SBNO2: variants seen among roughly 807,000 people sequenced by gnomAD.
The protein encoded by SBNO2 is protein strawberry notch homolog 2.
A neutral mutation model predicts 146.3 loss-of-function variants in SBNO2; 89 were observed. The observed-to-expected ratio is 0.61, with a 90% CI of 0.51 to 0.73. SBNO2 has a LOEUF of 0.73. SBNO2 is among the 30% of genes least tolerant of loss of function. The pLI is 0.00. For synonymous variants in SBNO2, 1,147 were observed against 892.6 expected (o/e 1.29, Z -5.08); for missense variants, 2,092 against 2,003.7 (o/e 1.04, Z -0.84).
chr19:1,121,632 G>GC (rs199826822), intron 11 of SBNO2, among the ~76,000 whole-genome samples: 3,109 of 152,282 alleles, frequency 0.02, 107 homozygotes, highest in African/African-American at 0.071. Context: ...CTGTGGGGGA[G>GC]CCCCTCCGAA....
At chr19:1,117,566 A>G in intron 14 of SBNO2, 67 bp from the exon 15 acceptor site, 1 of 1,475,140 alleles carries the variant, frequency 6.8e-7, no homozygotes, top group Non-Finnish European at 9.0e-7. Context: ...GCCCCGGCCC[A>G]CCTGCCGCCA....
At chr19:1,139,823 T>C (rs2080118665) in intron 4 of SBNO2, among the ~76,000 whole-genome samples, 1 of 151,864 alleles carries the variant, frequency 6.6e-6, no homozygotes, top group Non-Finnish European at 1.5e-5. Flanking sequence ...TGCGCGTCTG[T>C]AATCCCAGCT....
At position 1,144,036 on chromosome 19, in the gene SBNO2, G is replaced by A. The variant is rs2080163766; in HGVS notation, c.279+3273C>T. 1.3e-5 allele frequency among the ~76,000 whole-genome samples: 2 copies of A among 152,204 alleles called. No homozygotes were observed. Among genetic ancestry groups the A allele is most frequent in the Non-Finnish European group, 2.9e-5 (2 of 68,026 alleles). ...GTGGCTGGCTGGGCTGCGCTGGGGGGCACGGCGCAAAGGGCCTCGAACACC... is the reference window on the plus strand; with the variant it reads ...GTGGCTGGCTGGGCTGCGCTGGGGGACACGGCGCAAAGGGCCTCGAACACC... On this transcript the variant is annotated intron_variant, in intron 4 of 31. Coordinates refer to ENST00000361757, the MANE Select transcript of SBNO2 (RefSeq NM_014963.3). This position sits in a 1 kb window ranked among gnomAD's most constrained non-coding sequence, Gnocchi z 4.1.
At chr19:1,167,591 C>T (rs1336122607) in intron 1 of SBNO2, among the ~76,000 whole-genome samples, 1 of 152,240 alleles carries the variant, frequency 6.6e-6, no homozygotes, top group Non-Finnish European at 1.5e-5. Flanking sequence ...GACCTGACCT[C>T]CCCTCCTCCA....
chr19:1,113,253 G>A (rs574307696), intron 19 of SBNO2, among the ~76,000 whole-genome samples: 30 of 152,266 alleles, frequency 2.0e-4, no homozygotes, highest in African/African-American at 6.7e-4. Flanking sequence ...GCACCCCAAG[G>A]GGTGCGTTCA....
chr19:1,116,789 C>A, intron 16 of SBNO2, 40 bp downstream of exon 16: 1 of 1,512,368 alleles, frequency 6.6e-7, no homozygotes, highest in South Asian at 1.2e-5. Context: ...TGGCCATGAG[C>A]GCAGGAAGCC....
At position 1,144,770 on chromosome 19, in the gene SBNO2, G is replaced by A. The variant is rs375547038; in HGVS notation, c.279+2539C>T. The stretch of plus-strand genomic sequence containing the variant: ...TGGAGAGGGAGACAGAGAGACAGAG[G>A]CAGAGACAAAGAGACAGAGACAGAG... On this transcript the variant is annotated intron_variant, in intron 4 of 31. Coordinates refer to ENST00000361757, the MANE Select transcript of SBNO2 (RefSeq NM_014963.3). This position sits in a 1 kb window ranked among gnomAD's most constrained non-coding sequence, Gnocchi z 4.1. Among the ~76,000 whole-genome samples, 1 of 144,670 alleles carries A rather than the reference G, an allele frequency of 6.9e-6. No individual in the cohort carries two copies. Among genetic ancestry groups the A allele is most frequent in the East Asian group, 2.1e-4 (1 of 4,754 alleles). 94.9% of individuals were successfully genotyped at this position (144,670 alleles called of 152,430 possible). A position where few individuals can be genotyped will look rare whatever the true frequency, so the allele number is the denominator to read the frequency against.
intron 4 of SBNO2, among the ~76,000 whole-genome samples, chr19:1,141,279 A>T (rs2080135017): frequency 6.6e-6 from 1 of 151,900 alleles, no homozygotes; most frequent in Admixed American, 6.6e-5. Flanking sequence ...CAGTGGCGCA[A>T]TCTCGGCTCC....
Position 1,109,902 on chromosome 19 carries a change from G to A in SBNO2, c.3029-125C>T, listed in dbSNP as rs996354424. On this transcript the variant is annotated intron_variant, in intron 26 of 31. Transcript: ENST00000361757. This position sits in a 1 kb window ranked among gnomAD's most constrained non-coding sequence, Gnocchi z 4.2. ...CCGAGAGCACAGGAGAGGGTGTCCT[G>A]GATCCTGGCCTGACCTGGCCCAGCG... 2 of 711,752 alleles carry A rather than the reference G, an allele frequency of 2.8e-6. No individual in the cohort carries two copies. The highest frequency in any genetic ancestry group is 2.7e-5 in the East Asian group (1 of 36,888). 44.1% of individuals were successfully genotyped at this position (711,752 alleles called of 1,614,324 possible).
rs1000011064 is a variant in SBNO2 at position 1,150,998 on chromosome 19, C to T, written c.94-1556G>A. Among the ~76,000 whole-genome samples the T allele has an allele frequency of 5.9e-5, 9 of 152,266 alleles. No homozygotes were observed. Among genetic ancestry groups the T allele is most frequent in the Non-Finnish European group, 7.3e-5 (5 of 68,040 alleles). ...AGCCTGGGCACCCTGAGCTCCTGCA[C>T]CCGTGAGAAGACCCCGTGCAAGTGG... On this transcript the variant is annotated intron_variant, in intron 2 of 31. Coordinates refer to ENST00000361757, the MANE Select transcript of SBNO2 (RefSeq NM_014963.3). The surrounding 1 kb of genome is among the most constrained non-coding windows in gnomAD (Gnocchi z 6.2).
At chr19:1,113,775 G>A in intron 18 of SBNO2, 71 bp from the exon 19 acceptor site, 1 of 1,393,946 alleles carries the variant, frequency 7.2e-7, no homozygotes, top group Non-Finnish European at 9.3e-7. Context: ...CTCAAGGCTG[G>A]CCCCTGGAGG....
chr19:1,109,874 C>T lies in SBNO2; in HGVS notation c.3029-97G>A. On this transcript the variant is annotated intron_variant, in intron 26 of 31. Transcript: ENST00000361757. This position sits in a 1 kb window ranked among gnomAD's most constrained non-coding sequence, Gnocchi z 4.2. The stretch of plus-strand genomic sequence containing the variant: ...AGCCGGGGCGCACCCTAGAGACGAC[C>T]CCCCGAGAGCACAGGAGAGGGTGTC... 1.2e-6 allele frequency: 1 copy of T among 846,972 alleles called. No homozygotes were observed. The highest frequency in any genetic ancestry group is 1.8e-6 in the Non-Finnish European group (1 of 549,878). 52.5% of individuals were successfully genotyped at this position (846,972 alleles called of 1,614,324 possible).
rs866609072 is a variant in SBNO2, at chr19:1,122,836, G to A, written c.781-45C>T. ...GTCAGGGCCTGGGGGTGCTGGCCCG[G>A]CCCCTCCCCAGGGGCCTCGCGGACA... On this transcript the variant is annotated intron_variant, in intron 8 of 31. Coordinates refer to ENST00000361757, the MANE Select transcript of SBNO2 (RefSeq NM_014963.3). The A allele has an allele frequency of 1.6e-5, 25 of 1,537,674 alleles. 1 individual carries two copies. In the Middle Eastern group the frequency reaches 1.8e-3, roughly 113 times the overall value.
Position 1,126,478 on chromosome 19 carries a change from GA to G in SBNO2, c.441+1125del, listed in dbSNP as rs1034223289. 1.3e-5 allele frequency among the ~76,000 whole-genome samples: 2 copies of G among 152,116 alleles called. No individual in the cohort carries two copies. Among genetic ancestry groups the G allele is most frequent in the African/African-American group, 2.4e-5 (1 of 41,418 alleles). Reference sequence around the variant, plus strand: ...GGAGGGCACGGGCCCCGGGCTGGGTGAAATGCTCTGCTGGGCCCTTGTGCCA... The same window carrying G: ...GGAGGGCACGGGCCCCGGGCTGGGTGAATGCTCTGCTGGGCCCTTGTGCCA... On this transcript the variant is annotated intron_variant, in intron 5 of 31. Coordinates refer to ENST00000361757, the MANE Select transcript of SBNO2 (RefSeq NM_014963.3). This position sits in a 1 kb window ranked among gnomAD's most constrained non-coding sequence, Gnocchi z 4.4.
Position 1,108,022 on chromosome 19 carries a change from GCCCCGGC to G in SBNO2, c.*191_*197del. On this transcript the variant is annotated 3_prime_UTR_variant, in exon 32 of 32. Coordinates refer to ENST00000361757, the MANE Select transcript of SBNO2 (RefSeq NM_014963.3). Reference sequence around the variant, plus strand: ...AGAGGCACAGAGAGGGCCCTGCCACGCCCCGGCCCCCAGCTGTCCTGAGTGGGCCCCG... The same window carrying G: ...AGAGGCACAGAGAGGGCCCTGCCACGCCCCAGCTGTCCTGAGTGGGCCCCG... 2.3e-6 allele frequency: 1 copy of G among 432,006 alleles called. No individual in the cohort carries two copies. Among genetic ancestry groups the G allele is most frequent in the Non-Finnish European group, 3.9e-6 (1 of 256,616 alleles). 26.8% of individuals were successfully genotyped at this position (432,006 alleles called of 1,614,324 possible). A position where few individuals can be genotyped will look rare whatever the true frequency, so the allele number is the denominator to read the frequency against.
intron 23 of SBNO2, 40 bp downstream of exon 23, chr19:1,111,950 ACCCCTG>A (rs772734201): frequency 7.4e-6 from 11 of 1,480,970 alleles, no homozygotes; most frequent in East Asian, 7.1e-5. Context: ...CCCTCCCTAG[ACCCCTG>A]CCCCTGCCCC....
rs781666289 is a variant in SBNO2, at chr19:1,116,833, C to A, written c.1798G>T (p.Ala600Ser). 6.3e-6 allele frequency: 10 copies of A among 1,586,430 alleles called. No homozygotes were observed. The highest frequency in any genetic ancestry group is 6.9e-6 in the Non-Finnish European group (8 of 1,167,770). ...TGTCCCCACCGTGACACTTACTCAG[C>A]GGCCGAGACGAAGCAGTTGAGGTGC... ...DGHLNCFVSA[A>S]EGVFLSLIQK... The change falls in exon 16 of 32, where the codon GCT (alanine) becomes TCT (serine). Residue 600 changes from alanine (A) to serine (S), a missense_variant. Transcript: ENST00000361757.
At chr19:1,141,368 C>A (rs1269965903) in intron 4 of SBNO2, among the ~76,000 whole-genome samples, 1 of 152,084 alleles carries the variant, frequency 6.6e-6, no homozygotes, top group Non-Finnish European at 1.5e-5. Context: ...GTGCCCGCCA[C>A]CATGCTCAGC....
In SBNO2 at chr19:1,126,047, C is replaced by G. The variant is rs888698267; in HGVS notation, c.441+1557G>C. 2.0e-5 allele frequency among the ~76,000 whole-genome samples: 3 copies of G among 152,188 alleles called. No individual in the cohort carries two copies. Among genetic ancestry groups the G allele is most frequent in the Non-Finnish European group, 2.9e-5 (2 of 68,044 alleles). On this transcript the variant is annotated intron_variant, in intron 5 of 31. Coordinates refer to ENST00000361757, the MANE Select transcript of SBNO2 (RefSeq NM_014963.3). This position sits in a 1 kb window ranked among gnomAD's most constrained non-coding sequence, Gnocchi z 4.4. ...AGCATCTCTTCTAGACCCGGTCCCC[C>G]CCTTGAACTCCAACGTCCTGAGACG...
Sources: gnomAD v4.1 joint callset for allele counts (sites outside exome capture counted in the v4.1 genomes callset) on GRCh38, gnomAD v4.1.1 for gene constraint, Gnocchi (gnomAD v3.1) non-coding constraint, MANE v1.5 for transcripts, NCBI Gene and HGNC (gene_info 2026-07-23, HGNC 2026-07-21) for gene names.